The following MCOLN2 variants were observed in gnomAD, a reference collection of about 807,000 sequenced individuals.
MCOLN2 encodes mucolipin-2.
A neutral mutation model predicts 67.5 loss-of-function variants in MCOLN2; 57 were observed. That is an observed-to-expected ratio of 0.84 (90% confidence interval 0.68 to 1.05). The LOEUF (loss-of-function observed/expected upper bound fraction) is 1.05, where lower values mean the gene tolerates loss of function less well. Among genes scored for constraint, MCOLN2 ranks in the 50% least tolerant of loss-of-function variants. The probability of loss-of-function intolerance (pLI) is 0.00; values close to 1 mark genes in which losing one functional copy is unlikely to be tolerated. For missense variants in MCOLN2, 620 were observed against 678.8 expected (o/e 0.91, Z 0.96); for synonymous variants, 246 against 233.3 (o/e 1.05, Z -0.50).
intron 2 of MCOLN2, among the ~76,000 whole-genome samples, chr1:84,963,770 C>T (rs942294395): frequency 4.6e-5 from 7 of 152,182 alleles, no homozygotes; most frequent in Admixed American, 4.6e-4. Context: ...GAGGCCTCAC[C>T]AGCCATGCTT....
chr1:84,991,026 A>G (rs2102893362), intron 1 of MCOLN2, among the ~76,000 whole-genome samples: 1 of 152,266 alleles, frequency 6.6e-6, no homozygotes, highest in East Asian at 1.9e-4. Context: ...TATTTTTATA[A>G]TCTCTGTGAA....
In MCOLN2 at chr1:84,965,591, T is replaced by C; in HGVS notation, c.195A>G (p.Lys65=). The change falls in exon 2 of 14, where the codon AAA becomes AAG. Residue 65 remains lysine (K), a synonymous_variant. Transcript: ENST00000370608. ...KYRARRQIPW[K]LGLQILKIVM... is the part of the protein sequence containing the mutation. Reference sequence around the variant, plus strand: ...CTATCTTCAAAATCTGCAAACCCAGTTTCCACGGAATCTGGCGTCTGGCTC... The same window carrying C: ...CTATCTTCAAAATCTGCAAACCCAGCTTCCACGGAATCTGGCGTCTGGCTC... 1 of 1,614,076 alleles carries C rather than the reference T, an allele frequency of 6.2e-7. No homozygotes were observed.
chr1:84,990,826 TG>T (rs11351944), intron 1 of MCOLN2, among the ~76,000 whole-genome samples: 18,603 of 151,542 alleles, frequency 0.12, 1,383 homozygotes, highest in East Asian at 0.26. Flanking sequence ...CCCAATTACT[TG>T]GGGGGGCTGA....
intron 4 of MCOLN2, among the ~76,000 whole-genome samples, chr1:84,956,163 A>AAAC (rs1491010225): frequency 4.6e-5 from 7 of 151,802 alleles, no homozygotes; most frequent in East Asian, 3.9e-4. Context: ...GGAAAAAAAA[A>AAAC]CAAAAAACAG....
At chr1:84,937,065 G>A (rs1284139084) in intron 11 of MCOLN2, among the ~76,000 whole-genome samples, 9 of 152,184 alleles carry the variant, frequency 5.9e-5, no homozygotes, top group African/African-American at 1.9e-4. Context: ...AAAGCCATAA[G>A]ATAAAATAAC....
At chr1:84,930,265 T>C (rs1374129312) in intron 12 of MCOLN2, among the ~76,000 whole-genome samples, 2 of 149,224 alleles carry the variant, frequency 1.3e-5, no homozygotes, top group Non-Finnish European at 2.9e-5. Context: ...CCTCTCTCTT[T>C]TTTTAAAAAA....
At chr1:84,953,688 G>C (rs1390849240) in intron 4 of MCOLN2, among the ~76,000 whole-genome samples, 2 of 150,650 alleles carry the variant, frequency 1.3e-5, no homozygotes, top group Admixed American at 1.3e-4. Flanking sequence ...AAGAACACAG[G>C]TTGTATTCAA....
chr1:84,928,633 T>G (rs1570938019), intron 13 of MCOLN2, among the ~76,000 whole-genome samples: 1 of 152,200 alleles, frequency 6.6e-6, no homozygotes, highest in Non-Finnish European at 1.5e-5. Flanking sequence ...TTAAGAAAAT[T>G]AATTTCCTTT....
chr1:84,943,050 TGTTGA>T (rs1443643693), intron 7 of MCOLN2, among the ~76,000 whole-genome samples: 1 of 152,168 alleles, frequency 6.6e-6, no homozygotes, highest in African/African-American at 2.4e-5. Flanking sequence ...AAGACAGTAG[TGTTGA>T]ATACAGCACC....
chr1:84,966,171 G>T (rs1370437666), intron 1 of MCOLN2, among the ~76,000 whole-genome samples: 3 of 152,080 alleles, frequency 2.0e-5, no homozygotes, highest in Admixed American at 6.5e-5. Flanking sequence ...AGAATTGCTT[G>T]AACCCAGGAG....
intron 1 of MCOLN2, among the ~76,000 whole-genome samples, chr1:84,974,021 C>A (rs138103440): frequency 0.016 from 2,432 of 152,274 alleles, 17 homozygotes; most frequent in Non-Finnish European, 0.023. Context: ...AGGCAGTAAA[C>A]GGTTCTGCCC....
chr1:84,973,529 G>A (rs533004426), intron 1 of MCOLN2, among the ~76,000 whole-genome samples: 1 of 152,290 alleles, frequency 6.6e-6, no homozygotes, highest in South Asian at 2.1e-4. Context: ...ACTTAGGTAT[G>A]TGAGACATCC....
At chr1:84,958,107 G>T (rs939828065) in intron 3 of MCOLN2, among the ~76,000 whole-genome samples, 3 of 152,096 alleles carry the variant, frequency 2.0e-5, no homozygotes, top group Non-Finnish European at 4.4e-5. Flanking sequence ...ATTTTGTAGA[G>T]ATGGGGTTTC....
chr1:84,994,041 A>C (rs893858817), intron 1 of MCOLN2, among the ~76,000 whole-genome samples: 1 of 152,234 alleles, frequency 6.6e-6, no homozygotes, highest in African/African-American at 2.4e-5. Flanking sequence ...CTCCATCAGA[A>C]CTTTTCAATG....
chr1:84,969,901 G>A (rs893406201), intron 1 of MCOLN2, among the ~76,000 whole-genome samples: 16 of 152,168 alleles, frequency 1.1e-4, no homozygotes, highest in Non-Finnish European at 2.2e-4. Context: ...GAGAGCTGGT[G>A]GGAAAGCCCA....
At chr1:84,938,319 T>C (rs926759201) in intron 9 of MCOLN2, among the ~76,000 whole-genome samples, 3 of 152,208 alleles carry the variant, frequency 2.0e-5, no homozygotes, top group African/African-American at 7.2e-5. Context: ...AATAATACTC[T>C]GAAATAGAAA....
At chr1:84,955,358 C>T (rs1201969476) in intron 4 of MCOLN2, among the ~76,000 whole-genome samples, 3 of 152,012 alleles carry the variant, frequency 2.0e-5, no homozygotes, top group South Asian at 4.1e-4. Flanking sequence ...ATGGCTTTCA[C>T]GGTGCGAAAC....
At position 84,927,115 on chromosome 1, in the gene MCOLN2, C is replaced by T. The variant is rs569956793; in HGVS notation, c.1665-394G>A. 2.2e-4 allele frequency among the ~76,000 whole-genome samples: 33 copies of T among 151,346 alleles called. No individual in the cohort carries two copies. The South Asian group carries it at 5.4e-3, about 25-fold the overall frequency. ...CATGCAGAGCTGAACCTAGATGATGCGTTGATAGGTGCAGCAAACCACCAT... is the reference window on the plus strand; with the variant it reads ...CATGCAGAGCTGAACCTAGATGATGTGTTGATAGGTGCAGCAAACCACCAT... On this transcript the variant is annotated intron_variant, in intron 13 of 13. Coordinates refer to ENST00000370608, the MANE Select transcript of MCOLN2 (RefSeq NM_153259.4).
At chr1:84,953,727 T>C (rs987538208) in intron 4 of MCOLN2, among the ~76,000 whole-genome samples, 6 of 152,136 alleles carry the variant, frequency 3.9e-5, no homozygotes, top group African/African-American at 1.2e-4. Flanking sequence ...CTGTAAATGA[T>C]AGAAGAAAGA....
Sources: gnomAD v4.1 joint callset for allele counts (sites outside exome capture counted in the v4.1 genomes callset) on GRCh38, gnomAD v4.1.1 for gene constraint, MANE v1.5 for transcripts, NCBI Gene and HGNC (gene_info 2026-07-23, HGNC 2026-07-21) for gene names.